CRADD: variants seen among roughly 807,000 people sequenced by gnomAD.
CRADD encodes the protein death domain-containing protein CRADD.
In CRADD, 9 loss-of-function variants were observed where a neutral mutation model predicts 15.5. That is an observed-to-expected ratio of 0.58 (90% CI 0.35 to 1.01). The LOEUF is 1.01. Ranked by LOEUF, CRADD falls within the 50% of genes least tolerant of loss-of-function variation. The pLI is 0.02. For missense variants in CRADD, 227 were observed against 250.3 expected, an observed-to-expected ratio of 0.91 and a Z score of 0.63; for synonymous variants, 118 against 107.6, an observed-to-expected ratio of 1.10 and a Z score of -0.60.
intron 2 of CRADD, among the ~76,000 whole-genome samples, chr12:93,872,921 A>AT (rs1200916339): frequency 4.0e-5 from 6 of 151,292 alleles, no homozygotes; most frequent in South Asian, 4.2e-4. Context: ...AAATTTTAGG[A>AT]TTTTTTTTCT....
At chr12:93,810,277 G>A (rs1217750764) in intron 2 of CRADD, among the ~76,000 whole-genome samples, 6 of 152,016 alleles carry the variant, frequency 3.9e-5, no homozygotes, top group East Asian at 1.9e-4. Context: ...GGCTGGGCAC[G>A]GTGGCTCACG....
At chr12:93,745,665 G>A (rs1415489774) in intron 2 of CRADD, among the ~76,000 whole-genome samples, 2 of 152,202 alleles carry the variant, frequency 1.3e-5, no homozygotes, top group African/African-American at 4.8e-5. Flanking sequence ...TATCTGAAAC[G>A]TGCAATGTAG....
At chr12:93,879,850 G>A (rs183797291) in intron 2 of CRADD, among the ~76,000 whole-genome samples, 2 of 152,272 alleles carry the variant, frequency 1.3e-5, no homozygotes, top group East Asian at 1.9e-4. Flanking sequence ...CTGGCACTTC[G>A]ACTATCTTGT....
chr12:93,773,360 T>A (rs1041882851), intron 2 of CRADD, among the ~76,000 whole-genome samples: 2 of 152,000 alleles, frequency 1.3e-5, no homozygotes, highest in Admixed American at 1.3e-4. Context: ...GACGAATGAG[T>A]CTCACGGGAT....
intron 2 of CRADD, among the ~76,000 whole-genome samples, chr12:93,876,569 A>G (rs1013415386): frequency 2.6e-5 from 4 of 151,914 alleles, no homozygotes; most frequent in East Asian, 1.9e-4. Context: ...AGCCTCACCA[A>G]TTCTTTCTTC....
intron 2 of CRADD, among the ~76,000 whole-genome samples, chr12:93,811,657 A>G (rs919339460): frequency 6.6e-6 from 1 of 152,256 alleles, no homozygotes; most frequent in Non-Finnish European, 1.5e-5. Context: ...AAATACATAC[A>G]TTGAAACGCT....
At chr12:93,779,362 A>G (rs1055438395) in intron 2 of CRADD, among the ~76,000 whole-genome samples, 1 of 152,218 alleles carries the variant, frequency 6.6e-6, no homozygotes, top group Non-Finnish European at 1.5e-5. Context: ...ATTGTTTGGT[A>G]ACTTCAAAAG....
At chr12:93,695,898 G>A (rs367827227) in intron 2 of CRADD, among the ~76,000 whole-genome samples, 3 of 152,056 alleles carry the variant, frequency 2.0e-5, no homozygotes, top group South Asian at 2.1e-4. Context: ...GCAAAACTCC[G>A]TCTCAAAATA....
rs561620188 is a variant in CRADD at position 93,686,286 on chromosome 12, G to T, written c.298+7214G>T. On this transcript the variant is annotated intron_variant, in intron 2 of 2. Transcript: ENST00000332896. ...ACTGCACTCCAGCCTGGGCAACAGA[G>T]TGAGACTCCATCCCCCCCAAAAAAA... is the stretch of plus-strand genomic sequence containing the variant. Among the ~76,000 whole-genome samples the T allele has an allele frequency of 7.9e-5, 10 of 126,272 alleles. No individual in the cohort carries two copies. In the South Asian group the frequency reaches 2.7e-3, roughly 35 times the overall value. The allele number at this position is 126,272 out of a possible 152,430, so 82.8% of individuals were successfully genotyped here.
At chr12:93,849,029 G>A (rs1486508661) in intron 2 of CRADD, 10 of 152,112 alleles carry the variant, frequency 6.6e-5, no homozygotes, top group Admixed American at 1.3e-4. Context: ...TGGCCTCTTA[G>A]GTTTATTTTG....
intron 2 of CRADD, among the ~76,000 whole-genome samples, chr12:93,876,446 A>T (rs1209312351): frequency 3.3e-5 from 5 of 152,170 alleles, no homozygotes; most frequent in Admixed American, 2.6e-4. Context: ...TTTAAGGCCA[A>T]TAACTCTTAG....
At chr12:93,707,603 G>A (rs561952289) in intron 2 of CRADD, among the ~76,000 whole-genome samples, 1 of 152,302 alleles carries the variant, frequency 6.6e-6, no homozygotes, top group African/African-American at 2.4e-5. Context: ...TTCTCAGGAT[G>A]TAGACTCATA....
At chr12:93,799,034 G>A (rs1957450024) in intron 2 of CRADD, among the ~76,000 whole-genome samples, 1 of 152,026 alleles carries the variant, frequency 6.6e-6, no homozygotes, top group Non-Finnish European at 1.5e-5. Flanking sequence ...GGAGAAGAAG[G>A]GAGGGAAGAG....
At chr12:93,851,168 T>C, downstream of CRADD, among the ~76,000 whole-genome samples, 1 of 152,336 alleles carries the variant, frequency 6.6e-6, no homozygotes, top group South Asian at 2.1e-4. Flanking sequence ...TATAGAATGC[T>C]TTACTGTTTT....
intron 2 of CRADD, among the ~76,000 whole-genome samples, chr12:93,781,005 C>T (rs1377547811): frequency 6.6e-6 from 1 of 151,894 alleles, no homozygotes; most frequent in East Asian, 1.9e-4. Context: ...ATCCACCCGC[C>T]TCAGCCTCCC....
At chr12:93,807,475 G>A (rs541254334) in intron 2 of CRADD, among the ~76,000 whole-genome samples, 13 of 152,194 alleles carry the variant, frequency 8.5e-5, no homozygotes, top group East Asian at 1.9e-4. Context: ...GATCAAGAAC[G>A]AGGCAGCCAG....
intron 2 of CRADD, among the ~76,000 whole-genome samples, chr12:93,691,344 C>T (rs1955566126): frequency 6.6e-6 from 1 of 151,782 alleles, no homozygotes; most frequent in African/African-American, 2.4e-5. Flanking sequence ...ACCTCCGCCT[C>T]CCGGGTTCAA....
chr12:93,734,148 A>G (rs1168145899), intron 2 of CRADD, among the ~76,000 whole-genome samples: 2 of 151,218 alleles, frequency 1.3e-5, no homozygotes, highest in East Asian at 3.9e-4. Context: ...CAGTCCATCC[A>G]TCTGTCCATC....
intron 2 of CRADD, among the ~76,000 whole-genome samples, chr12:93,823,190 G>T (rs1171110009): frequency 6.6e-6 from 1 of 151,996 alleles, no homozygotes; most frequent in Non-Finnish European, 1.5e-5. Flanking sequence ...TACTCAGGAG[G>T]CTGAAACAGG....
Sources: allele counts gnomAD v4.1 joint callset (sites outside exome capture counted in the v4.1 genomes callset), GRCh38; gene constraint gnomAD v4.1.1; transcripts MANE v1.5; gene names NCBI Gene and HGNC (gene_info 2026-07-23, HGNC 2026-07-21).